The following DIS3L2 variants were observed in gnomAD, a reference collection of about 807,000 sequenced individuals.
DIS3L2 encodes DIS3 like 3'-5' exoribonuclease 2, also known as DIS3-like exonuclease 2.
In DIS3L2, 34 loss-of-function variants were observed where a neutral mutation model predicts 97.5. That is an observed-to-expected ratio of 0.35 (90% CI 0.27 to 0.46). The LOEUF (loss-of-function observed/expected upper bound fraction) is 0.46, where lower values mean the gene tolerates loss of function less well. Ranked by LOEUF, DIS3L2 falls within the 20% of genes least tolerant of loss-of-function variation. The pLI is 1.00. For missense variants in DIS3L2, 1,038 were observed against 1,146.0 expected, an observed-to-expected ratio of 0.91 and a Z score of 1.36; for synonymous variants, 435 against 445.2, an observed-to-expected ratio of 0.98 and a Z score of 0.29.
At chr2:232,194,396 A>G (rs911800062) in intron 9 of DIS3L2, among the ~76,000 whole-genome samples, 2 of 152,302 alleles carry the variant, frequency 1.3e-5, no homozygotes, top group African/African-American at 4.8e-5. Context: ...TGAATCTACA[A>G]AAATCATGAA....
At chr2:232,253,914 G>A (rs1693483878) in intron 12 of DIS3L2, among the ~76,000 whole-genome samples, 1 of 152,100 alleles carries the variant, frequency 6.6e-6, no homozygotes, top group South Asian at 2.1e-4. Context: ...TATTTTTATT[G>A]TGAAAAATTT....
exon 14 of DIS3L2, chr2:232,343,345 C>G (rs1237991322): frequency 1.3e-6 from 2 of 1,555,356 alleles, no homozygotes; most frequent in African/African-American, 2.7e-5. Context: ...AAGGGCCCAG[C>G]AGAACGCAGA....
chr2:232,286,099 T>C (rs1228611163), intron 13 of DIS3L2, among the ~76,000 whole-genome samples: 3 of 152,226 alleles, frequency 2.0e-5, no homozygotes, highest in Admixed American at 2.0e-4. Context: ...CAGAGATTAA[T>C]GGACAAGTTG....
rs530900235 is a variant in DIS3L2, at chr2:232,268,679, T to TA, written c.1659+5242dup. ...TATTTTTCAGCCATTTAAAAATGCA[T>TA]AAACCAGTCTTAGCTCATGGGTCAT... On this transcript the variant is annotated intron_variant, in intron 13 of 20. Coordinates refer to ENST00000325385, the MANE Select transcript of DIS3L2 (RefSeq NM_152383.5). The surrounding 1 kb of genome is among the most constrained non-coding windows in gnomAD (Gnocchi z 4.1). Among the ~76,000 whole-genome samples the TA allele has an allele frequency of 2.3e-4, 35 of 152,352 alleles. No individual in the cohort carries two copies. In the East Asian group the frequency reaches 5.6e-3, roughly 24 times the overall value.
intron 11 of DIS3L2, among the ~76,000 whole-genome samples, chr2:232,240,143 A>G (rs948524700): frequency 6.6e-6 from 1 of 152,208 alleles, no homozygotes; most frequent in Non-Finnish European, 1.5e-5. Flanking sequence ...GCCGCCTTCA[A>G]TATGTGGAGG....
At chr2:232,172,061 A>T (rs940771271) in intron 9 of DIS3L2, among the ~76,000 whole-genome samples, 4 of 152,234 alleles carry the variant, frequency 2.6e-5, no homozygotes, top group African/African-American at 9.6e-5. Flanking sequence ...ATATTTAAAA[A>T]TTTCATTTTG....
chr2:232,341,198 G>A (rs1337373425), downstream of DIS3L2, among the ~76,000 whole-genome samples: 1 of 152,226 alleles, frequency 6.6e-6, no homozygotes, highest in South Asian at 2.1e-4. Flanking sequence ...AGAGGAAACC[G>A]TAGTGACAGG....
At chr2:232,098,746 G>A (rs776490989) in intron 6 of DIS3L2, among the ~76,000 whole-genome samples, 2 of 152,042 alleles carry the variant, frequency 1.3e-5, no homozygotes, top group Non-Finnish European at 2.9e-5. Flanking sequence ...CTGTTCTCTT[G>A]TTGATTTACA....
intron 9 of DIS3L2, among the ~76,000 whole-genome samples, chr2:232,166,810 C>G (rs879861910): frequency 1.6e-4 from 24 of 152,082 alleles, no homozygotes; most frequent in Admixed American, 1.6e-3. Context: ...CACTCGAGGT[C>G]AGGAGTTGGA....
chr2:232,170,888 G>A (rs1574923492), intron 9 of DIS3L2, among the ~76,000 whole-genome samples: 1 of 152,270 alleles, frequency 6.6e-6, no homozygotes, highest in South Asian at 2.1e-4. Context: ...AACTTGAAAG[G>A]AGAGTCATAT....
At chr2:232,329,785 T>TGCCGGGGGCGCCCC in intron 14 of DIS3L2, 28 bp from the exon 15 acceptor site, 1 of 967,144 alleles carries the variant, frequency 1.0e-6, no homozygotes, top group Non-Finnish European at 1.5e-6. Context: ...ACCCCAGCGG[T>TGCCGGGGGCGCCCC]CCCTCCCATC....
rs563427137 is a variant in DIS3L2, at chr2:232,312,554, A to G, written c.1739+12435A>G. ...ACACTTTCCAACTTGGACTTTTTCT[A>G]TAAAGAGCACCTATGCTATTCTTGG... On this transcript the variant is annotated intron_variant, in intron 14 of 20. Transcript: ENST00000325385. 3.3e-5 allele frequency among the ~76,000 whole-genome samples: 5 copies of G among 152,364 alleles called. No individual in the cohort carries two copies. In the South Asian group the frequency reaches 1.0e-3, roughly 32 times the overall value.
At chr2:232,111,735 A>G (rs1439554825) in intron 6 of DIS3L2, among the ~76,000 whole-genome samples, 1 of 152,214 alleles carries the variant, frequency 6.6e-6, no homozygotes, top group African/African-American at 2.4e-5. Context: ...CCATAAGCCC[A>G]TGACCTAAGC....
chr2:232,317,558 T>A (rs555409433), intron 14 of DIS3L2, among the ~76,000 whole-genome samples: 1 of 152,208 alleles, frequency 6.6e-6, no homozygotes, highest in Non-Finnish European at 1.5e-5. Flanking sequence ...TGCCTCAGCC[T>A]CCCGGGTAGC....
intron 1 of DIS3L2, among the ~76,000 whole-genome samples, chr2:231,984,598 T>G (rs1008553124): frequency 4.0e-5 from 6 of 151,830 alleles, no homozygotes; most frequent in African/African-American, 1.5e-4. Context: ...TTTCACCGTG[T>G]TAGCCAGGAT....
rs531869281 is a variant in DIS3L2 at position 231,969,549 on chromosome 2, G to A, written c.-94+7784G>A. ...CAGCGTCAAACTCCTGATCTCAAATGATCTGTCCGCCTCAGCCTCCCAAAG... is the reference window on the plus strand; with the variant it reads ...CAGCGTCAAACTCCTGATCTCAAATAATCTGTCCGCCTCAGCCTCCCAAAG... On this transcript the variant is annotated intron_variant, in intron 1 of 20. Transcript: ENST00000325385. Among the ~76,000 whole-genome samples the A allele has an allele frequency of 1.8e-4, 27 of 152,236 alleles. No homozygotes were observed. In the South Asian group the frequency reaches 5.2e-3, roughly 29 times the overall value.
intron 9 of DIS3L2, among the ~76,000 whole-genome samples, chr2:232,166,406 C>G (rs1459719615): frequency 6.6e-6 from 1 of 152,168 alleles, no homozygotes; most frequent in Non-Finnish European, 1.5e-5. Context: ...CTCTGCTATT[C>G]ATGAAGTAAC....
At chr2:232,013,650 T>C (rs1418959743) in intron 1 of DIS3L2, among the ~76,000 whole-genome samples, 2 of 152,242 alleles carry the variant, frequency 1.3e-5, no homozygotes, top group Non-Finnish European at 2.9e-5. Context: ...TTACCACTTA[T>C]CCTTCATTCT....
intron 9 of DIS3L2, among the ~76,000 whole-genome samples, chr2:232,189,097 C>T (rs1163267683): frequency 1.3e-5 from 2 of 152,198 alleles, no homozygotes; most frequent in East Asian, 3.9e-4. Context: ...CAAGTGCTGG[C>T]GAGGGTGCAG....
Sources: allele counts gnomAD v4.1 joint callset (sites outside exome capture counted in the v4.1 genomes callset), GRCh38; gene constraint gnomAD v4.1.1; non-coding constraint Gnocchi (gnomAD v3.1); transcripts MANE v1.5; gene names NCBI Gene and HGNC (gene_info 2026-07-23, HGNC 2026-07-21).